The following C12orf42 variants were observed in gnomAD, a reference collection of about 807,000 sequenced individuals.
C12orf42 encodes chromosome 12 open reading frame 42.
In C12orf42, 25 loss-of-function variants were observed where a neutral mutation model predicts 21.6. The ratio of observed to expected loss-of-function variants is 1.16; its 90% CI spans 0.84 to 1.62. The LOEUF (loss-of-function observed/expected upper bound fraction) is 1.62. C12orf42 is among the 40% of genes most tolerant of loss of function. The pLI is 0.00. For missense variants in C12orf42, 483 were observed against 459.3 expected, an observed-to-expected ratio of 1.05 and a Z score of -0.47; for synonymous variants, 174 against 175.0, an observed-to-expected ratio of 0.99 and a Z score of 0.05.
At chr12:103,231,122 C>T in the C12orf42 span, among the ~76,000 whole-genome samples, 1 of 152,090 alleles carries the variant, frequency 6.6e-6, no homozygotes, top group African/African-American at 2.4e-5. Flanking sequence ...TTGTTGTGGT[C>T]TGACATATAA....
chr12:103,207,991 C>T, the C12orf42 span, among the ~76,000 whole-genome samples: 13 of 152,140 alleles, frequency 8.5e-5, no homozygotes, highest in Non-Finnish European at 1.3e-4. Flanking sequence ...GACTCTACCA[C>T]GTCAGGCCAG....
intron 4 of C12orf42, among the ~76,000 whole-genome samples, chr12:103,332,382 T>G (rs1465289791): frequency 6.6e-6 from 1 of 152,182 alleles, no homozygotes; most frequent in Non-Finnish European, 1.5e-5. Flanking sequence ...TGAGCCAATT[T>G]CTTAGACAGT....
the C12orf42 span, among the ~76,000 whole-genome samples, chr12:103,517,744 T>C: frequency 6.6e-6 from 1 of 152,194 alleles, no homozygotes; most frequent in Non-Finnish European, 1.5e-5. Flanking sequence ...TATGTTTCTC[T>C]GTTATCAACC....
chr12:103,526,213 C>T, the C12orf42 span, among the ~76,000 whole-genome samples: 1 of 152,092 alleles, frequency 6.6e-6, no homozygotes, highest in South Asian at 2.1e-4. Flanking sequence ...AATAAAATTA[C>T]CACATTAACT....
chr12:103,527,216 T>C, the C12orf42 span, among the ~76,000 whole-genome samples: 1 of 152,196 alleles, frequency 6.6e-6, no homozygotes, highest in African/African-American at 2.4e-5. Flanking sequence ...TTTCTGCCAC[T>C]GGACATGAAC....
chr12:103,147,819 C>G, the C12orf42 span, among the ~76,000 whole-genome samples: 3 of 151,844 alleles, frequency 2.0e-5, no homozygotes, highest in South Asian at 6.2e-4. Flanking sequence ...AACAAAATGC[C>G]CAGAAACATG....
At chr12:103,484,643 G>C (rs1954699449) in intron 1 of C12orf42, among the ~76,000 whole-genome samples, 1 of 152,054 alleles carries the variant, frequency 6.6e-6, no homozygotes, top group African/African-American at 2.4e-5. Context: ...ATTTTGCTGT[G>C]CAGAAGCTCT....
At chr12:103,223,629 G>A in the C12orf42 span, among the ~76,000 whole-genome samples, 15 of 152,304 alleles carry the variant, frequency 9.8e-5, no homozygotes, top group East Asian at 1.9e-3. Flanking sequence ...CAAAAGCAGG[G>A]CATTTATGAG....
chr12:103,455,934 C>G (rs936620155), intron 2 of C12orf42, among the ~76,000 whole-genome samples: 2 of 152,060 alleles, frequency 1.3e-5, no homozygotes, highest in African/African-American at 4.8e-5. Context: ...ATTACTCTAT[C>G]TCCTGCTTGA....
chr12:103,289,831 T>C (rs1215075177), intron 4 of C12orf42, among the ~76,000 whole-genome samples: 4 of 152,192 alleles, frequency 2.6e-5, no homozygotes, highest in Admixed American at 2.0e-4. Flanking sequence ...AAAATGTAAA[T>C]AGTGGTTGTC....
chr12:103,346,247 AAAT>A (rs1265870883), intron 4 of C12orf42, among the ~76,000 whole-genome samples: 3 of 152,220 alleles, frequency 2.0e-5, no homozygotes, highest in African/African-American at 7.2e-5. Context: ...ATCTTTAAAT[AAAT>A]AATGTTATTA....
the C12orf42 span, among the ~76,000 whole-genome samples, chr12:103,196,262 G>A: frequency 6.6e-6 from 1 of 152,002 alleles, no homozygotes; most frequent in Non-Finnish European, 1.5e-5. Context: ...TCTTGCTGTT[G>A]ATTTCTATTT....
chr12:103,478,122 C>A, intron 2 of C12orf42: 2 of 421,542 alleles, frequency 4.7e-6, no homozygotes, highest in South Asian at 3.2e-5. Context: ...GTTTTCCTAG[C>A]ATAAATGTAA....
chr12:103,516,811 G>A, the C12orf42 span, among the ~76,000 whole-genome samples: 1 of 152,068 alleles, frequency 6.6e-6, no homozygotes. Context: ...ATAATAGGAA[G>A]GTAAACAAAT....
chr12:103,425,396 T>C (rs915820282), intron 2 of C12orf42, among the ~76,000 whole-genome samples: 2 of 152,288 alleles, frequency 1.3e-5, no homozygotes, highest in East Asian at 1.9e-4. Flanking sequence ...GACTGTGAGA[T>C]ACCTCCCAGC....
the C12orf42 span, chr12:103,504,989 T>A: frequency 5.5e-6 from 1 of 182,604 alleles, no homozygotes; most frequent in East Asian, 1.7e-4. Context: ...GAGACAGGCC[T>A]GGCTGGACCA....
chr12:103,372,249 C>A (rs1300441897), intron 3 of C12orf42, among the ~76,000 whole-genome samples: 2 of 152,126 alleles, frequency 1.3e-5, no homozygotes, highest in African/African-American at 4.8e-5. Flanking sequence ...CTCACATTAT[C>A]TTTCTAAATC....
intron 1 of C12orf42, among the ~76,000 whole-genome samples, chr12:103,483,650 A>G (rs1007505327): frequency 1.3e-5 from 2 of 150,742 alleles, no homozygotes; most frequent in African/African-American, 4.9e-5. Context: ...TGTTTTTTTT[A>G]TTTTTCTTTT....
At position 103,428,376 on chromosome 12, in the gene C12orf42, G is replaced by C. The variant is rs899815247; in HGVS notation, c.79-26701C>G. Among the ~76,000 whole-genome samples, 3 of 152,164 alleles carry C rather than the reference G, an allele frequency of 2.0e-5. No individual in the cohort carries two copies. In the East Asian group the frequency reaches 5.8e-4, roughly 29 times the overall value. On this transcript the variant is annotated intron_variant, in intron 2 of 5. Coordinates refer to ENST00000548883, the MANE Select transcript of C12orf42 (RefSeq NM_198521.5). Reference sequence around the variant, plus strand: ...GAAACTAGAAAATCTAGAAGAAATGGATAAATTTCTGGACACATACACCCT... The same window carrying C: ...GAAACTAGAAAATCTAGAAGAAATGCATAAATTTCTGGACACATACACCCT...
Sources: gnomAD v4.1 joint callset for allele counts (sites outside exome capture counted in the v4.1 genomes callset) on GRCh38, gnomAD v4.1.1 for gene constraint, MANE v1.5 for transcripts, NCBI Gene and HGNC (gene_info 2026-07-23, HGNC 2026-07-21) for gene names.